DUSP22: variants seen among roughly 807,000 people sequenced by gnomAD.
DUSP22 encodes the protein dual specificity phosphatase 22, also known as dual specificity protein phosphatase 22.
In DUSP22, 24 loss-of-function variants were observed where a neutral mutation model predicts 24.5. That is an observed-to-expected ratio of 0.98 (90% CI 0.71 to 1.38). DUSP22 has a LOEUF of 1.38. Ranked by LOEUF, DUSP22 falls within the 40% of genes most tolerant of loss-of-function variation. DUSP22 has a pLI of 0.00. For missense variants in DUSP22, 330 were observed against 269.2 expected, an observed-to-expected ratio of 1.23 and a Z score of -1.58; for synonymous variants, 160 against 106.4, an observed-to-expected ratio of 1.50 and a Z score of -3.10.
chr6:305,202 G>A (rs1404045840), intron 2 of DUSP22, among the ~76,000 whole-genome samples: 2 of 152,304 alleles, frequency 1.3e-5, no homozygotes, highest in African/African-American at 4.8e-5. Context: ...TCAGTCTACA[G>A]TCTGTTCTGG....
chr6:338,396 T>C (rs1180889360), intron 4 of DUSP22, among the ~76,000 whole-genome samples: 2 of 152,304 alleles, frequency 1.3e-5, no homozygotes, highest in African/African-American at 4.8e-5. Flanking sequence ...TTTCACCATG[T>C]AATCAAATGA....
intron 2 of DUSP22, among the ~76,000 whole-genome samples, chr6:306,202 T>G (rs1322201416): frequency 6.6e-6 from 1 of 152,310 alleles, no homozygotes; most frequent in Non-Finnish European, 1.5e-5. Flanking sequence ...GGAAAGGGAG[T>G]GTCTTTGAGA....
intron 5 of DUSP22, among the ~76,000 whole-genome samples, chr6:346,479 T>C (rs112672812): frequency 7.1e-3 from 1,073 of 151,994 alleles, no homozygotes; most frequent in Middle Eastern, 0.024. Context: ...AGCTACTGTA[T>C]CACGCTTAAC....
At chr6:300,693 C>T (rs1253489788) in intron 1 of DUSP22, among the ~76,000 whole-genome samples, 1 of 152,172 alleles carries the variant, frequency 6.6e-6, no homozygotes, top group East Asian at 1.9e-4. Flanking sequence ...GTACTAGAGG[C>T]AGGGCAGGAA....
At chr6:304,918 C>T (rs941205514) in intron 2 of DUSP22, among the ~76,000 whole-genome samples, 6 of 152,284 alleles carry the variant, frequency 3.9e-5, no homozygotes, top group African/African-American at 1.2e-4. Context: ...TCACAACTAT[C>T]GGAGCCTCCT....
chr6:292,911 C>T (rs973025552), intron 1 of DUSP22, among the ~76,000 whole-genome samples: 13 of 152,278 alleles, frequency 8.5e-5, no homozygotes, highest in Admixed American at 7.2e-4. Flanking sequence ...CTCCTCTTCG[C>T]TCCCAAACTA....
At chr6:343,591 G>C in intron 4 of DUSP22, among the ~76,000 whole-genome samples, 1 of 110,744 alleles carries the variant, frequency 9.0e-6, no homozygotes, top group South Asian at 3.0e-4. Flanking sequence ...GTCAGAGTCC[G>C]GAGTCCTTGA....
At chr6:296,883 C>T (rs1757357064) in intron 1 of DUSP22, among the ~76,000 whole-genome samples, 1 of 152,296 alleles carries the variant, frequency 6.6e-6, no homozygotes, top group African/African-American at 2.4e-5. Context: ...GCTCATCAAG[C>T]ATCCGGCCTG....
intron 6 of DUSP22, 36 bp downstream of exon 6, chr6:348,310 A>G: frequency 6.2e-7 from 1 of 1,612,876 alleles, no homozygotes. Flanking sequence ...AGATGCAGGC[A>G]GGTGCCCCTG....
Position 351,157 on chromosome 6 carries a change from G to A in DUSP22, c.*2206G>A, listed in dbSNP as rs906615613. On this transcript the variant is annotated 3_prime_UTR_variant, in exon 7 of 7. Coordinates refer to ENST00000419235, the MANE Select transcript of DUSP22 (RefSeq NM_001286555.3). The stretch of plus-strand genomic sequence containing the variant: ...CTGCCTTGTGGGTGGCTTGGCGCTC[G>A]TGATTGCTTCCTGTGAACGCCTCCC... 11 of 474,792 alleles carry A rather than the reference G, an allele frequency of 2.3e-5. No homozygotes were observed. The highest frequency in any genetic ancestry group is 3.8e-5 in the Non-Finnish European group (10 of 266,324). The allele number at this position is 474,792 out of a possible 1,614,324, so 29.4% of individuals were successfully genotyped here.
chr6:316,025 C>A (rs1211903029), intron 3 of DUSP22, among the ~76,000 whole-genome samples: 2 of 152,310 alleles, frequency 1.3e-5, no homozygotes, highest in Admixed American at 1.3e-4. Flanking sequence ...AGACATTTGA[C>A]TGGGCCTTTG....
intron 5 of DUSP22, 140 bp from the exon 6 acceptor site, chr6:347,963 C>A: frequency 7.9e-7 from 1 of 1,268,144 alleles, no homozygotes; most frequent in Non-Finnish European, 1.1e-6. Context: ...TTCCTGGTGG[C>A]GAGCTTGCTG....
chr6:308,323 A>G (rs6930507), intron 2 of DUSP22, among the ~76,000 whole-genome samples: 4,737 of 150,716 alleles, frequency 0.031, 2 homozygotes, highest in African/African-American at 0.11. Context: ...TTCCCAGCTC[A>G]TTACCTCGCT....
chr6:292,621 G>A (rs893378833), intron 1 of DUSP22, 61 bp downstream of exon 1: 11 of 1,559,708 alleles, frequency 7.1e-6, no homozygotes, highest in Middle Eastern at 1.7e-4. Flanking sequence ...CCGTCTCGCC[G>A]GCGTCGGCTG....
chr6:339,828 C>G (rs550730804), intron 4 of DUSP22, among the ~76,000 whole-genome samples: 1 of 152,300 alleles, frequency 6.6e-6, no homozygotes, highest in Non-Finnish European at 1.5e-5. Flanking sequence ...CTCTTTTTCT[C>G]TCATTTACGT....
intron 4 of DUSP22, among the ~76,000 whole-genome samples, chr6:339,496 A>G (rs1219840467): frequency 5.9e-5 from 9 of 152,300 alleles, no homozygotes; most frequent in Admixed American, 4.6e-4. Flanking sequence ...GCTTTAATAT[A>G]TATTACATTG....
intron 3 of DUSP22, among the ~76,000 whole-genome samples, chr6:321,731 TA>T (rs796906597): frequency 0.034 from 5,073 of 149,854 alleles, no homozygotes; most frequent in African/African-American, 0.12. Context: ...GAAACTACAT[TA>T]AAAAAAAAGG....
At position 350,203 on chromosome 6, in the gene DUSP22, A is replaced by G. The variant is rs1443373612; in HGVS notation, c.*1252A>G. The G allele has an allele frequency of 3.6e-5, 36 of 987,016 alleles. No homozygotes were observed. Among genetic ancestry groups the G allele is most frequent in the Middle Eastern group, 5.2e-4 (1 of 1,918 alleles). The allele number at this position is 987,016 out of a possible 1,614,324, so 61.1% of individuals were successfully genotyped here. A position where few individuals can be genotyped will look rare whatever the true frequency, so the allele number is the denominator to read the frequency against. The stretch of plus-strand genomic sequence containing the variant: ...TGAAACCAAAGGGGAAGGTACCGAT[A>G]TCATTGAGCTATTTAAAGTTGCCAG... On this transcript the variant is annotated 3_prime_UTR_variant, in exon 7 of 7. Transcript: ENST00000419235.
chr6:301,784 G>A (rs1404428687), intron 1 of DUSP22, among the ~76,000 whole-genome samples: 2 of 152,296 alleles, frequency 1.3e-5, no homozygotes, highest in Admixed American at 6.5e-5. Flanking sequence ...TGACAACGGT[G>A]GTGGGAAAAC....
Sources: allele counts gnomAD v4.1 joint callset (sites outside exome capture counted in the v4.1 genomes callset), GRCh38; gene constraint gnomAD v4.1.1; transcripts MANE v1.5; gene names NCBI Gene and HGNC (gene_info 2026-07-23, HGNC 2026-07-21).